DRAM2: variants seen among roughly 807,000 people sequenced by gnomAD.
DRAM2 encodes the protein DNA damage-regulated autophagy modulator protein 2.
Under a neutral mutation model 33.5 loss-of-function variants are expected in DRAM2, and 26 were observed. That is an observed-to-expected ratio of 0.78 (90% CI 0.57 to 1.08). The LOEUF (loss-of-function observed/expected upper bound fraction) is 1.08. Ranked by LOEUF, DRAM2 falls within the 50% of genes least tolerant of loss-of-function variation. The pLI is 0.00. For missense variants in DRAM2, 311 were observed against 318.1 expected, an observed-to-expected ratio of 0.98 and a Z score of 0.17; for synonymous variants, 98 against 109.5, an observed-to-expected ratio of 0.89 and a Z score of 0.66.
intron 8 of DRAM2, among the ~76,000 whole-genome samples, chr1:111,119,351 G>C (rs1015388817): frequency 2.0e-5 from 3 of 152,030 alleles, no homozygotes; most frequent in African/African-American, 7.2e-5. Context: ...CCAATTTGGG[G>C]CTAATTCTTA....
rs112173955 is a variant in DRAM2, at chr1:111,121,579, CACTT to C, written c.340-890_340-887del. Among the ~76,000 whole-genome samples the C allele has an allele frequency of 3.0e-3, 450 of 152,270 alleles. 3 individuals are homozygous for C. The highest frequency in any genetic ancestry group is 7.5e-3 in the African/African-American group (311 of 41,562). ...AATTCCTCTAAGTAGGTAGTGAAGA[CACTT>C]ACCATGTAGTTATTTTTCTGAACAA... is the stretch of plus-strand genomic sequence containing the variant. On this transcript the variant is annotated intron_variant, in intron 6 of 9. Transcript: ENST00000484310.
intron 4 of DRAM2, among the ~76,000 whole-genome samples, chr1:111,130,344 A>G (rs959496344): frequency 4.6e-4 from 70 of 152,196 alleles, no homozygotes; most frequent in Admixed American, 2.0e-4. Flanking sequence ...AATGAGGATC[A>G]TAGTTTCTAC....
chr1:111,136,436 G>A (rs1376537705), intron 3 of DRAM2, among the ~76,000 whole-genome samples: 2 of 151,926 alleles, frequency 1.3e-5, no homozygotes, highest in Non-Finnish European at 2.9e-5. Context: ...ATGGTGGCGT[G>A]CGCCTGTAAT....
At chr1:111,133,681 G>C (rs1333465835) in intron 3 of DRAM2, among the ~76,000 whole-genome samples, 1 of 152,184 alleles carries the variant, frequency 6.6e-6, no homozygotes, top group Non-Finnish European at 1.5e-5. Context: ...CAAGGTCATA[G>C]AGCTGGATGT....
intron 7 of DRAM2, among the ~76,000 whole-genome samples, chr1:111,120,275 G>A (rs1649719926): frequency 6.7e-6 from 1 of 149,078 alleles, no homozygotes; most frequent in Non-Finnish European, 1.5e-5. Flanking sequence ...GTATGATCAG[G>A]CTCAACATTT....
intron 2 of DRAM2, among the ~76,000 whole-genome samples, chr1:111,138,621 T>C (rs553534612): frequency 2.6e-5 from 4 of 152,234 alleles, no homozygotes; most frequent in Non-Finnish European, 5.9e-5. Context: ...CTGTCTCTAC[T>C]AAAAATACAA....
At position 111,124,768 on chromosome 1, in the gene DRAM2, C is replaced by T; in HGVS notation, c.313G>A (p.Gly105Arg). The T allele has an allele frequency of 1.2e-6, 2 of 1,613,362 alleles. No individual in the cohort carries two copies. Among genetic ancestry groups the T allele is most frequent in the East Asian group, 2.2e-5 (1 of 44,818 alleles). ...GLVLGILSCL[G>R]LSIVANFQKT... ...TGGAAGTTTGCCACAATAGAAAGTC[C>T]TAAACAACTCAGTATTCCAAGTACA... The change falls in exon 6 of 10, where the codon GGA becomes AGA. Residue 105 changes from glycine (G) to arginine (R), a missense_variant. Physicochemically the swap from Gly to Arg is moderately radical, Grantham distance 125. Coordinates refer to ENST00000484310, the MANE Select transcript of DRAM2 (RefSeq NM_001349884.2).
chr1:111,137,233 G>A lies in DRAM2; in HGVS notation c.-15+290C>T, dbSNP rs528806512. 4.0e-4 allele frequency among the ~76,000 whole-genome samples: 52 copies of A among 129,902 alleles called. 1 individual carries two copies. Among genetic ancestry groups the A allele is most frequent in the African/African-American group, 1.4e-3 (47 of 34,214 alleles). 85.2% of individuals were successfully genotyped at this position (129,902 alleles called of 152,430 possible). ...CGCGCCACTGCACTCCAACCTGGGC[G>A]ACAGCGAGATTCCATCTCAAAAAAA... On this transcript the variant is annotated intron_variant, in intron 3 of 9. Transcript: ENST00000484310.
rs768218931 is a variant in DRAM2, at chr1:111,120,649, G to T, written c.384C>A (p.Thr128=). 2.5e-6 allele frequency: 4 copies of T among 1,603,184 alleles called. No individual in the cohort carries two copies. Among genetic ancestry groups the T allele is most frequent in the Non-Finnish European group, 3.4e-6 (4 of 1,174,472 alleles). Residue 128 remains threonine (T), a synonymous_variant, in exon 7 of 10, where the codon ACC becomes ACA. Coordinates refer to ENST00000484310, the MANE Select transcript of DRAM2 (RefSeq NM_001349884.2). ...FAAHVSGAVL[T]FGMGSLYMFV... ...ACATATATAATGAGCCCATACCAAA[G>T]GTAAGCACAGCTCCACTTACATGTG...
chr1:111,120,111 A>C, intron 7 of DRAM2, 152 bp from the exon 8 acceptor site: 1 of 680,588 alleles, frequency 1.5e-6, no homozygotes. Flanking sequence ...GTACTGTAAA[A>C]CTAAAAATGT....
chr1:111,133,299 T>G (rs1652498728), intron 3 of DRAM2, among the ~76,000 whole-genome samples: 1 of 150,948 alleles, frequency 6.6e-6, no homozygotes, highest in Admixed American at 6.6e-5. Context: ...TGCCTCAGCC[T>G]CCTGAGTAGC....
chr1:111,118,380 T>A, intron 9 of DRAM2, 113 bp from the exon 10 acceptor site: 1 of 685,470 alleles, frequency 1.5e-6, no homozygotes, highest in Non-Finnish European at 2.4e-6. Flanking sequence ...ATTCTAATGG[T>A]AGTGAGACAG....
chr1:111,128,134 C>CTTTTTTTTTTT (rs35509678), intron 4 of DRAM2: 2 of 102,304 alleles, frequency 2.0e-5, no homozygotes, highest in Non-Finnish European at 4.0e-5. Context: ...TTCTTCGTTT[C>CTTTTTTTTTTT]TTTTTTTTTT....
At position 111,120,786 on chromosome 1, in the gene DRAM2, G is replaced by A; in HGVS notation, c.340-93C>T. 2.6e-6 allele frequency: 3 copies of A among 1,148,940 alleles called. No homozygotes were observed. The South Asian group carries it at 6.8e-5, about 26-fold the overall frequency. 71.2% of individuals were successfully genotyped at this position (1,148,940 alleles called of 1,614,324 possible). A position where few individuals can be genotyped will look rare whatever the true frequency, so the allele number is the denominator to read the frequency against. ...AAAGCACAACCCAGAGATTTCAATA[G>A]GACATTCACTGAGTAGAGAAGCTCG... On this transcript the variant is annotated intron_variant, in intron 6 of 9. Transcript: ENST00000484310.
Position 111,131,371 on chromosome 1 carries a change from AAATAAG to A in DRAM2, c.131+47_131+52del, listed in dbSNP as rs1652034917. On this transcript the variant is annotated intron_variant, in intron 4 of 9. Transcript: ENST00000484310. Reference sequence around the variant, plus strand: ...ACATTAAATGTTGACTTCAATGTTAAAATAAGAATGAGACATAAAGAGTCTCCTATA... The same window carrying A: ...ACATTAAATGTTGACTTCAATGTTAAAATGAGACATAAAGAGTCTCCTATA... 3.3e-6 allele frequency: 5 copies of A among 1,516,982 alleles called. No individual in the cohort carries two copies. The African/African-American group carries it at 5.6e-5, about 17-fold the overall frequency. 94.0% of individuals were successfully genotyped at this position (1,516,982 alleles called of 1,614,324 possible). A position where few individuals can be genotyped will look rare whatever the true frequency, so the allele number is the denominator to read the frequency against.
intron 5 of DRAM2, chr1:111,125,666 A>T (rs1485886138): frequency 1.3e-5 from 2 of 152,310 alleles, no homozygotes; most frequent in Non-Finnish European, 2.9e-5. Flanking sequence ...CAAATAATAA[A>T]CATACAGAAG....
At chr1:111,133,450 T>C (rs913156994) in intron 3 of DRAM2, among the ~76,000 whole-genome samples, 2 of 152,352 alleles carry the variant, frequency 1.3e-5, no homozygotes, top group African/African-American at 2.4e-5. Flanking sequence ...AGTGCTGGGA[T>C]TATAGGCGTG....
intron 4 of DRAM2, among the ~76,000 whole-genome samples, chr1:111,131,035 C>T (rs868444226): frequency 7.9e-5 from 12 of 151,808 alleles, no homozygotes; most frequent in African/African-American, 2.4e-4. Context: ...AAAATTACTT[C>T]GTACGCAGTA....
At position 111,118,803 on chromosome 1, in the gene DRAM2, A is replaced by T; in HGVS notation, c.693+2T>A. The T allele has an allele frequency of 1.9e-6, 3 of 1,600,210 alleles. No homozygotes were observed. Among genetic ancestry groups the T allele is most frequent in the Non-Finnish European group, 2.6e-6 (3 of 1,170,658 alleles). The stretch of plus-strand genomic sequence containing the variant: ...AATAAATCTAATATTGTGCCTTCTT[A>T]CCTGAAAATCACGAATGTAAGTCAG... On this transcript the variant is annotated splice_donor_variant, in intron 9 of 9. Transcript: ENST00000484310. LOFTEE classifies it high-confidence loss of function.
Sources: gnomAD v4.1 joint callset for allele counts (sites outside exome capture counted in the v4.1 genomes callset) on GRCh38, gnomAD v4.1.1 for gene constraint, MANE v1.5 for transcripts, NCBI Gene and HGNC (gene_info 2026-07-23, HGNC 2026-07-21) for gene names.